Variants in DMD observed in about 807,000 individuals in gnomAD.
DMD encodes mutant dystrophin.
DMD carries 63 observed loss-of-function variants against 330.1 expected under a neutral mutation model. The ratio of observed to expected loss-of-function variants is 0.19; its 90% CI spans 0.16 to 0.24. DMD has a LOEUF of 0.24. Ranked by LOEUF, DMD falls within the 10% of genes least tolerant of loss-of-function variation. DMD has a pLI of 1.00. For missense variants in DMD, 3,344 were observed against 2,684.1 expected (o/e 1.25, Z -5.43); for synonymous variants, 1,223 against 959.8 (o/e 1.27, Z -5.07).
chrX:31,426,817 A>C (rs1205152737), intron 60 of DMD, among the ~76,000 whole-genome samples: 2 of 112,334 alleles, frequency 1.8e-5, no homozygotes, highest in Non-Finnish European at 3.7e-5. Context: ...AAGCAGGAAC[A>C]ATTAGTCTGT....
intron 57 of DMD, among the ~76,000 whole-genome samples, chrX:31,483,248 G>A (rs192423285): frequency 1.2e-3 from 126 of 108,435 alleles, no homozygotes; most frequent in East Asian, 4.0e-3. Context: ...GGGTTTCACC[G>A]TGTTAGCCAG....
chrX:32,619,268 C>G (rs1252312862), intron 11 of DMD, among the ~76,000 whole-genome samples: 1 of 111,238 alleles, frequency 9.0e-6, no homozygotes, highest in Non-Finnish European at 1.9e-5. Context: ...GCTGATCCCA[C>G]AGAAGTAGGG....
intron 76 of DMD, among the ~76,000 whole-genome samples, chrX:31,143,399 T>C (rs193245338): frequency 1.8e-5 from 2 of 111,656 alleles, no homozygotes; most frequent in East Asian, 2.8e-4. Flanking sequence ...TCCCCCATGA[T>C]TGTAAGTTTC....
rs752562524 is a variant in DMD, at chrX:33,148,219, CAA to C, written c.31+63061_31+63062del. On this transcript the variant is annotated intron_variant, in intron 1 of 78. Coordinates refer to ENST00000357033, the MANE Select transcript of DMD (RefSeq NM_004006.3). Reference sequence around the variant, plus strand: ...AGAAGCAATTGCCTTTACTGAAAAACAAAGTTTCGAAAGAAGCACAGTAAACT... The same window carrying C: ...AGAAGCAATTGCCTTTACTGAAAAACAGTTTCGAAAGAAGCACAGTAAACT... Among the ~76,000 whole-genome samples, 10 of 112,289 alleles carry C rather than the reference CAA, an allele frequency of 8.9e-5. No individual in the cohort carries two copies. In the East Asian group the frequency reaches 2.5e-3, roughly 28 times the overall value.
Position 32,994,057 on chromosome X carries a change from G to C in DMD, c.93+26082C>G, listed in dbSNP as rs577157627. The stretch of plus-strand genomic sequence containing the variant: ...AATCTAATGGTAATAAAGTTGGGGT[G>C]GGGGGGAATGTAGCAAAGCCTGTTT... On this transcript the variant is annotated intron_variant, in intron 2 of 78. Coordinates refer to ENST00000357033, the MANE Select transcript of DMD (RefSeq NM_004006.3). Among the ~76,000 whole-genome samples the C allele has an allele frequency of 2.7e-5, 3 of 109,547 alleles. No individual in the cohort carries two copies. The South Asian group carries it at 1.2e-3, about 44-fold the overall frequency.
At chrX:31,563,070 TA>T (rs1310477373) in intron 55 of DMD, among the ~76,000 whole-genome samples, 1,828 of 110,974 alleles carry the variant, frequency 0.016, 36 homozygotes, top group African/African-American at 0.053. Context: ...TTTATTTATT[TA>T]TTTATTTTTT....
chrX:31,839,645 CTTAA>C (rs1474523085), intron 48 of DMD, among the ~76,000 whole-genome samples: 1 of 111,791 alleles, frequency 8.9e-6, no homozygotes, highest in Non-Finnish European at 1.9e-5. Flanking sequence ...TTATTTTATA[CTTAA>C]TTAATCCTTT....
chrX:32,227,049 GGGACTGTGACTCTTTTAAGGTGAGT>G (rs2097150353), intron 43 of DMD, among the ~76,000 whole-genome samples: 1 of 106,737 alleles, frequency 9.4e-6, no homozygotes, highest in Non-Finnish European at 1.9e-5. Context: ...TGCACATTTA[GGGACTGTGACTCTTTTAAGGTGAGT>G]GTTTTAAACC....
intron 2 of DMD, among the ~76,000 whole-genome samples, chrX:32,955,319 G>T (rs1290118889): frequency 4.5e-5 from 5 of 111,122 alleles, no homozygotes; most frequent in African/African-American, 1.3e-4. Context: ...TCATATGCTT[G>T]TTGGCCGCAT....
At chrX:32,390,237 C>G in intron 30 of DMD, 56 bp from the exon 31 acceptor site, 1 of 909,576 alleles carries the variant, frequency 1.1e-6, no homozygotes, top group Non-Finnish European at 1.6e-6. Flanking sequence ...AACTAACTTT[C>G]CAAGAAGACG....
intron 44 of DMD, among the ~76,000 whole-genome samples, chrX:32,147,876 T>G (rs755619222): frequency 9.9e-4 from 103 of 104,096 alleles, no homozygotes; most frequent in African/African-American, 3.5e-3. Context: ...AAAAATTTCT[T>G]CTTTTTTTTT....
At chrX:32,780,189 A>G (rs1379924502) in intron 7 of DMD, among the ~76,000 whole-genome samples, 1 of 112,301 alleles carries the variant, frequency 8.9e-6, no homozygotes, top group Non-Finnish European at 1.9e-5. Context: ...CATATAAATT[A>G]CCAAGAGGAT....
At chrX:32,248,044 T>G (rs2148136941) in intron 43 of DMD, among the ~76,000 whole-genome samples, 1 of 111,693 alleles carries the variant, frequency 9.0e-6, no homozygotes, top group South Asian at 3.7e-4. Context: ...GATTTGAAGG[T>G]TTTATGAAGA....
rs1057515862 is a variant in DMD, at chrX:31,121,108, ATGAC to A, written c.*807_*810del. 2 of 112,181 alleles carry A rather than the reference ATGAC, an allele frequency of 1.8e-5. No homozygotes were observed. Among genetic ancestry groups the A allele is most frequent in the Non-Finnish European group, 3.8e-5 (2 of 53,197 alleles). The allele number at this position is 112,181 out of a possible 1,213,427, so 9.2% of individuals were successfully genotyped here. ...TTCTAGACCAAGCAGGTAAGCCTGG[ATGAC>A]TGACTAGAAGTAATTTCTTTCTATT... On this transcript the variant is annotated 3_prime_UTR_variant, in exon 79 of 79. Transcript: ENST00000357033.
At chrX:31,148,911 TTAG>T (rs1276420804) in intron 74 of DMD, among the ~76,000 whole-genome samples, 1 of 112,233 alleles carries the variant, frequency 8.9e-6, no homozygotes, top group East Asian at 2.8e-4. Context: ...TAATCCATTG[TTAG>T]TTATGTGCAT....
intron 1 of DMD, among the ~76,000 whole-genome samples, chrX:33,088,298 G>A (rs1313753831): frequency 9.0e-6 from 1 of 111,390 alleles, no homozygotes; most frequent in Non-Finnish European, 1.9e-5. Flanking sequence ...ATCCGCCTCC[G>A]CCTCCCAAAG....
At chrX:31,804,285 G>A (rs1394336696) in intron 50 of DMD, among the ~76,000 whole-genome samples, 2 of 111,499 alleles carry the variant, frequency 1.8e-5, no homozygotes, top group Non-Finnish European at 3.8e-5. Context: ...TGTTCTATTC[G>A]CGTTCTCTGT....
chrX:31,205,159 T>C (rs1286541829), intron 66 of DMD, among the ~76,000 whole-genome samples: 1 of 111,679 alleles, frequency 9.0e-6, no homozygotes, highest in Non-Finnish European at 1.9e-5. Flanking sequence ...TTCTCAGATA[T>C]AAAATTTTAA....
intron 2 of DMD, among the ~76,000 whole-genome samples, chrX:32,991,359 A>C (rs1320929114): frequency 9.0e-6 from 1 of 111,626 alleles, no homozygotes; most frequent in Admixed American, 9.6e-5. Context: ...ATAGCTTTTA[A>C]AGGCTAAAGT....
Sources: gnomAD v4.1 joint callset for allele counts (sites outside exome capture counted in the v4.1 genomes callset) on GRCh38, gnomAD v4.1.1 for gene constraint, MANE v1.5 for transcripts, NCBI Gene and HGNC (gene_info 2026-07-23, HGNC 2026-07-21) for gene names.